The following KMT2C variants were observed in gnomAD, a reference collection of about 807,000 sequenced individuals.
KMT2C encodes lysine methyltransferase 2C.
KMT2C carries 88 observed loss-of-function variants against 507.9 expected under a neutral mutation model. The ratio of observed to expected loss-of-function variants is 0.17; its 90% CI spans 0.15 to 0.21. The LOEUF (loss-of-function observed/expected upper bound fraction) is 0.21, where lower values mean the gene tolerates loss of function less well. KMT2C is among the 10% of genes least tolerant of loss of function. The pLI, the probability that KMT2C is intolerant of heterozygous loss-of-function variation, is 1.00. For synonymous variants in KMT2C, 2,049 were observed against 2,080.8 expected (o/e 0.98, Z 0.42); for missense variants, 4,954 against 5,957.8 (o/e 0.83, Z 5.55).
chr7:152,238,984 CAG>C, intron 14 of KMT2C, 158 bp from the exon 15 acceptor site: 1 of 593,408 alleles, frequency 1.7e-6, no homozygotes, highest in Non-Finnish European at 3.0e-6. Flanking sequence ...TAATCACTAA[CAG>C]TGATTTAAAC....
chr7:152,196,728 T>C (rs1275902398), intron 27 of KMT2C, among the ~76,000 whole-genome samples: 12 of 152,150 alleles, frequency 7.9e-5, no homozygotes, highest in Admixed American at 7.9e-4. Context: ...GGATGTTGTA[T>C]TAGACAGAGT....
chr7:152,284,403 G>C (rs1029463814), intron 6 of KMT2C, among the ~76,000 whole-genome samples: 1 of 152,014 alleles, frequency 6.6e-6, no homozygotes, highest in African/African-American at 2.4e-5. Flanking sequence ...AATCCGTATG[G>C]AAAACAAAGA....
chr7:152,243,085 G>A (rs2095413965), intron 14 of KMT2C, among the ~76,000 whole-genome samples: 1 of 152,290 alleles, frequency 6.6e-6, no homozygotes, highest in African/African-American at 2.4e-5. Flanking sequence ...TCACTATTTA[G>A]GGAATTCTTA....
Position 152,181,309 on chromosome 7 carries a change from G to T in KMT2C, c.6551C>A (p.Ser2184Tyr). ...TGTAACAAACAAGTCAGTTTGTGTAGATGGTCTTGGGGTTTGGGGCTGCTG... is the reference window on the plus strand; with the variant it reads ...TGTAACAAACAAGTCAGTTTGTGTATATGGTCTTGGGGTTTGGGGCTGCTG... ...YSQQPQTPRP[S>Y]TQTDLFVTPV... Residue 2184 changes from serine (S) to tyrosine (Y), a missense_variant, in exon 36 of 59, where the codon TCT becomes TAT. Around this residue, in one of 29 missense-constraint regions of KMT2C, gnomAD observed 1,689 missense variants for 1,654.3 expected, o/e 1.02. Coordinates refer to ENST00000262189, the MANE Select transcript of KMT2C (RefSeq NM_170606.3). 3.7e-6 allele frequency: 6 copies of T among 1,614,110 alleles called. No individual in the cohort carries two copies. The highest frequency in any genetic ancestry group is 5.1e-6 in the Non-Finnish European group (6 of 1,180,020).
At chr7:152,326,986 T>A (rs2096834811) in intron 3 of KMT2C, among the ~76,000 whole-genome samples, 1 of 152,180 alleles carries the variant, frequency 6.6e-6, no homozygotes, top group African/African-American at 2.4e-5. Context: ...GGTCAAAAAG[T>A]CGGAGCTTGG....
At chr7:152,338,280 A>T (rs550958781) in intron 2 of KMT2C, among the ~76,000 whole-genome samples, 1 of 152,234 alleles carries the variant, frequency 6.6e-6, no homozygotes, top group Non-Finnish European at 1.5e-5. Flanking sequence ...CAGAGTTAAT[A>T]TATCATTAAT....
In KMT2C at chr7:152,273,818, T is replaced by C; in HGVS notation, c.899A>G (p.Glu300Gly). ...HLGATIKCCE[E>G]KCTQMYHYPC... ...ATAATGATACATCTGGGTACATTTC[T>C]CTTCACAGCATTTGATAGTGGCTCC... The change falls in exon 7 of 59, where the codon GAG becomes GGG. Residue 300 changes from glutamate (E) to glycine (G), a missense_variant. Glu to Gly is a moderately conservative substitution (Grantham distance 98). Transcript: ENST00000262189. 6.2e-7 allele frequency: 1 copy of C among 1,614,076 alleles called. No individual in the cohort carries two copies. Among genetic ancestry groups the C allele is most frequent in the African/African-American group, 1.3e-5 (1 of 75,084 alleles).
intron 42 of KMT2C, 145 bp from the exon 43 acceptor site, chr7:152,163,971 G>A: frequency 3.0e-6 from 2 of 677,618 alleles, no homozygotes; most frequent in Non-Finnish European, 5.1e-6. Flanking sequence ...AACTGCAAAA[G>A]TCACAAAAAA....
chr7:152,180,791 C>T lies in KMT2C; in HGVS notation c.7069G>A (p.Gly2357Arg), dbSNP rs2129119134. 6.2e-7 allele frequency: 1 copy of T among 1,614,102 alleles called. No individual in the cohort carries two copies. Among genetic ancestry groups the T allele is most frequent in the African/African-American group, 1.3e-5 (1 of 75,008 alleles). ...GTTACTCCTGAAGTTGGCACAGGTC[C>T]AGGAAGTTGGGAGACACCAGAGAAC... ...QQFSGVSQLP[G>R]PVPTSGVTDT... The change falls in exon 36 of 59, where the codon GGA becomes AGA. Residue 2357 changes from glycine (G) to arginine (R), a missense_variant. Coordinates refer to ENST00000262189, the MANE Select transcript of KMT2C (RefSeq NM_170606.3).
intron 1 of KMT2C, among the ~76,000 whole-genome samples, chr7:152,406,712 T>G (rs2097618816): frequency 6.6e-6 from 1 of 152,310 alleles, no homozygotes; most frequent in African/African-American, 2.4e-5. Flanking sequence ...TGAGGTCTCC[T>G]GATGTTGCCC....
chr7:152,320,975 T>G lies in KMT2C; in HGVS notation c.390-5637A>C, dbSNP rs184000369. ...CTGGCCAGGTGCAGTGGCTCATGCC[T>G]ATAATTCCAACACTTTAGGAGGCTG... On this transcript the variant is annotated intron_variant, in intron 3 of 58. Transcript: ENST00000262189. Among the ~76,000 whole-genome samples the G allele has an allele frequency of 2.6e-3, 389 of 152,148 alleles. 15 individuals carry two copies. Among genetic ancestry groups the G allele is most frequent in the Non-Finnish European group, 4.5e-3 (309 of 67,970 alleles).
intron 14 of KMT2C, among the ~76,000 whole-genome samples, chr7:152,241,053 G>T (rs1250024930): frequency 6.6e-6 from 1 of 152,166 alleles, no homozygotes; most frequent in Non-Finnish European, 1.5e-5. Flanking sequence ...CTAACCTTGT[G>T]GCATTTGTCT....
At chr7:152,399,655 A>T (rs1373489603) in intron 1 of KMT2C, among the ~76,000 whole-genome samples, 1 of 152,168 alleles carries the variant, frequency 6.6e-6, no homozygotes, top group African/African-American at 2.4e-5. Flanking sequence ...ATATTTGGTT[A>T]AAAGCCTACA....
intron 41 of KMT2C, 34 bp downstream of exon 41, chr7:152,169,152 C>A: frequency 7.5e-7 from 1 of 1,330,898 alleles, no homozygotes; most frequent in Non-Finnish European, 1.1e-6. Context: ...CAAGCAATCC[C>A]CAGAAAACAT....
intron 55 of KMT2C, among the ~76,000 whole-genome samples, chr7:152,142,320 T>C (rs1057096844): frequency 6.6e-6 from 1 of 152,096 alleles, no homozygotes; most frequent in Non-Finnish European, 1.5e-5. Flanking sequence ...AATTGAAAAA[T>C]GGACAAAGGA....
At chr7:152,210,825 G>T (rs780507727) in intron 23 of KMT2C, among the ~76,000 whole-genome samples, 1 of 152,120 alleles carries the variant, frequency 6.6e-6, no homozygotes, top group Non-Finnish European at 1.5e-5. Context: ...AGGGAGGAAA[G>T]AAAGCTCTTG....
At chr7:152,417,443 C>A (rs796549534) in intron 1 of KMT2C, among the ~76,000 whole-genome samples, 10 of 152,012 alleles carry the variant, frequency 6.6e-5, no homozygotes, top group African/African-American at 2.4e-4. Flanking sequence ...AACACATATA[C>A]CCTCTTTAAA....
chr7:152,184,963 C>T (rs2093577088), intron 34 of KMT2C, among the ~76,000 whole-genome samples: 1 of 152,052 alleles, frequency 6.6e-6, no homozygotes, highest in Non-Finnish European at 1.5e-5. Flanking sequence ...GCTATGTTGC[C>T]CAGGCTGGTC....
chr7:152,365,043 G>C (rs961875163), intron 1 of KMT2C, among the ~76,000 whole-genome samples: 3 of 151,660 alleles, frequency 2.0e-5, no homozygotes, highest in African/African-American at 7.3e-5. Flanking sequence ...AGCAGCAAAA[G>C]AAAATACACA....
Sources: allele counts gnomAD v4.1 joint callset (sites outside exome capture counted in the v4.1 genomes callset), GRCh38; gene constraint gnomAD v4.1.1; regional missense constraint gnomAD v4.1.1; transcripts MANE v1.5; gene names NCBI Gene and HGNC (gene_info 2026-07-23, HGNC 2026-07-21).